Variants in LVRN observed in about 807,000 individuals in gnomAD.
LVRN encodes aminopeptidase Q.
In LVRN, 99 loss-of-function variants were observed where a neutral mutation model predicts 111.4. That is an observed-to-expected ratio of 0.89 (90% CI 0.76 to 1.05). LVRN has a LOEUF of 1.05. Among genes scored for constraint, LVRN ranks in the 50% least tolerant of loss-of-function variants. LVRN has a pLI of 0.00. For missense variants in LVRN, 1,414 were observed against 1,206.8 expected (o/e 1.17, Z -2.54); for synonymous variants, 488 against 449.5 (o/e 1.09, Z -1.08).
intron 18 of LVRN, among the ~76,000 whole-genome samples, chr5:116,018,128 A>G (rs1367774128): frequency 6.6e-6 from 1 of 152,160 alleles, no homozygotes; most frequent in Non-Finnish European, 1.5e-5. Context: ...TAACGTGTTT[A>G]TATATGCAAT....
Position 115,983,308 on chromosome 5 carries a change from G to T in LVRN, c.717G>T (p.Leu239=). Residue 239 remains leucine, a synonymous_variant, in exon 2 of 20, where the codon CTG becomes CTT. Transcript: ENST00000357872. ...TCAGGGCCCTGTTAGCGTCCCAGCT[G>T]GAACCAACATTTGCCAGGTATGTTT... The part of the protein sequence containing the change: ...GERRALLASQ[L]EPTFARYVFP... 1.9e-6 allele frequency: 3 copies of T among 1,603,162 alleles called. No individual in the cohort carries two copies. Among genetic ancestry groups the T allele is most frequent in the Non-Finnish European group, 2.5e-6 (3 of 1,176,754 alleles).
At chr5:115,998,994 C>A (rs955939516) in intron 6 of LVRN, among the ~76,000 whole-genome samples, 1 of 152,098 alleles carries the variant, frequency 6.6e-6, no homozygotes. Context: ...TTGCAGATCC[C>A]AAAGATAGTC....
At position 115,963,031 on chromosome 5, in the gene LVRN, G is replaced by C. The variant is rs186404728; in HGVS notation, c.414G>C (p.Thr138=). ...GCGTGAACATCACGGTGCGCTGCACGGTGGCCACCTCTCGACTGCTGCTGC... is the reference window on the plus strand; with the variant it reads ...GCGTGAACATCACGGTGCGCTGCACCGTGGCCACCTCTCGACTGCTGCTGC... The part of the protein sequence containing the change: ...TGRVNITVRC[T]VATSRLLLHS... The change falls in exon 1 of 20, where the codon ACG becomes ACC. Residue 138 remains threonine, a synonymous_variant. Coordinates refer to ENST00000357872, the MANE Select transcript of LVRN (RefSeq NM_173800.5). The C allele has an allele frequency of 1.9e-6, 3 of 1,613,596 alleles. No homozygotes were observed. The highest frequency in any genetic ancestry group is 1.7e-6 in the Non-Finnish European group (2 of 1,179,900).
chr5:116,002,762 T>C (rs1036041952), intron 10 of LVRN, 73 bp from the exon 11 acceptor site: 1 of 1,101,518 alleles, frequency 9.1e-7, no homozygotes, highest in African/African-American at 1.6e-5. Context: ...TTTCATCATC[T>C]CTTTAATAGT....
chr5:115,993,659 A>G, intron 5 of LVRN, 82 bp from the exon 6 acceptor site: 1 of 889,372 alleles, frequency 1.1e-6, no homozygotes, highest in Non-Finnish European at 1.8e-6. Context: ...TTGACCTTAC[A>G]TTTACTTAAC....
In LVRN at chr5:115,962,729, G is replaced by C. The variant is rs756667019; in HGVS notation, c.112G>C (p.Gly38Arg). 1.2e-6 allele frequency: 2 copies of C among 1,612,050 alleles called. No individual in the cohort carries two copies. Among genetic ancestry groups the C allele is most frequent in the Middle Eastern group, 1.7e-4 (1 of 5,884 alleles). Reference protein sequence around the residue: ...LALAVLAALYGHCERVPPSEL... With the variant: ...LALAVLAALYRHCERVPPSEL... ...GCTGGCCGTACTCGCCGCCTTGTAC[G>C]GCCACTGCGAGCGCGTCCCACCGTC... The change falls in exon 1 of 20, where the codon GGC becomes CGC. Residue 38 changes from glycine to arginine, a missense_variant. Transcript: ENST00000357872.
chr5:115,963,349 C>G, intron 1 of LVRN, 37 bp downstream of exon 1: 1 of 1,493,774 alleles, frequency 6.7e-7, no homozygotes, highest in Middle Eastern at 2.3e-4. Flanking sequence ...TCTCGGCCCC[C>G]GCCCCTGCGT....
intron 6 of LVRN, among the ~76,000 whole-genome samples, chr5:115,995,873 C>T (rs568721990): frequency 3.9e-5 from 6 of 152,194 alleles, no homozygotes; most frequent in East Asian, 3.8e-4. Context: ...AGGCCAACTG[C>T]GAAGCCCATG....
rs778568409 is a variant in LVRN at position 115,963,281 on chromosome 5, CTCAACG to C, written c.667_672del (p.Asn223_Val224del). The C allele has an allele frequency of 6.2e-7, 1 of 1,612,050 alleles. No homozygotes were observed. Among genetic ancestry groups the C allele is most frequent in the Non-Finnish European group, 8.5e-7 (1 of 1,179,706 alleles). On this transcript the variant is annotated inframe_deletion, in exon 1 of 20. Coordinates refer to ENST00000357872, the MANE Select transcript of LVRN (RefSeq NM_173800.5). ...GGAAGACCTCAGGGAGGGACTCTTCCTCAACGTCTACACCGACCAGGGCGAGCGCAG... is the reference window on the plus strand; with the variant it reads ...GGAAGACCTCAGGGAGGGACTCTTCCTCTACACCGACCAGGGCGAGCGCAG...
chr5:115,963,167 G>A lies in LVRN; in HGVS notation c.550G>A (p.Asp184Asn). The A allele has an allele frequency of 6.2e-7, 1 of 1,613,076 alleles. No homozygotes were observed. Among genetic ancestry groups the A allele is most frequent in the Non-Finnish European group, 8.5e-7 (1 of 1,179,826 alleles). The change falls in exon 1 of 20, where the codon GAC becomes AAC. Residue 184 changes from aspartate to asparagine, a missense_variant. Coordinates refer to ENST00000357872, the MANE Select transcript of LVRN (RefSeq NM_173800.5). The stretch of plus-strand genomic sequence containing the variant: ...CGTGGACGACGTGTGGTTCGCGCTG[G>A]ACACGGAATACATGGTGCTGGAGCT... ...VPVDDVWFAL[D>N]TEYMVLELSE...
intron 13 of LVRN, among the ~76,000 whole-genome samples, chr5:116,009,526 G>T (rs1748444165): frequency 6.6e-6 from 1 of 152,090 alleles, no homozygotes; most frequent in Non-Finnish European, 1.5e-5. Context: ...CTTCTGGTAG[G>T]GATTCATCAT....
intron 6 of LVRN, among the ~76,000 whole-genome samples, chr5:115,998,685 A>C (rs1038433370): frequency 2.6e-5 from 4 of 152,224 alleles, no homozygotes; most frequent in Admixed American, 6.5e-5. Context: ...TTAAACTAGC[A>C]GCATCAGCAT....
intron 1 of LVRN, among the ~76,000 whole-genome samples, chr5:115,980,813 A>G (rs138313417): frequency 1.8e-4 from 27 of 152,250 alleles, no homozygotes; most frequent in African/African-American, 5.3e-4. Flanking sequence ...AAAATATCCT[A>G]TAATTTCAGA....
intron 18 of LVRN, among the ~76,000 whole-genome samples, chr5:116,016,892 G>A (rs569304112): frequency 2.5e-4 from 38 of 152,186 alleles, no homozygotes; most frequent in African/African-American, 9.2e-4. Flanking sequence ...TAACATTTAG[G>A]CCTTGTTTTC....
chr5:115,979,197 G>A lies in LVRN; in HGVS notation c.696-4090G>A, dbSNP rs565157276. On this transcript the variant is annotated intron_variant, in intron 1 of 19. Transcript: ENST00000357872. ...GCCTGGGACTGGCATGAGTCCCAAG[G>A]CAGCAGCACTCCAAAGAAGTCAGCC... is the stretch of plus-strand genomic sequence containing the variant. 1.2e-4 allele frequency among the ~76,000 whole-genome samples: 19 copies of A among 152,238 alleles called. No homozygotes were observed. In the East Asian group the frequency reaches 3.5e-3, roughly 28 times the overall value.
At chr5:115,986,468 C>G (rs1039410369) in intron 3 of LVRN, among the ~76,000 whole-genome samples, 1 of 152,138 alleles carries the variant, frequency 6.6e-6, no homozygotes, top group Non-Finnish European at 1.5e-5. Context: ...AGGATGCCAG[C>G]TGCCATAGAA....
At chr5:115,984,745 T>C (rs755836539) in intron 3 of LVRN, 36 bp downstream of exon 3, 18 of 1,610,526 alleles carry the variant, frequency 1.1e-5, no homozygotes, top group Non-Finnish European at 1.5e-5. Context: ...AGGGAGATTG[T>C]ACTGGCTGCA....
rs778248254 is a variant in LVRN, at chr5:116,002,829, A to G, written c.1821-6A>G. The G allele has an allele frequency of 3.8e-5, 60 of 1,591,222 alleles. No homozygotes were observed. Among genetic ancestry groups the G allele is most frequent in the Non-Finnish European group, 4.8e-5 (56 of 1,162,578 alleles). On this transcript the variant is annotated splice_polypyrimidine_tract_variant and splice_region_variant and intron_variant, in intron 10 of 19. Transcript: ENST00000357872. ...GTAACTAATTTTTTTATTTTCTTCCAATAAGTGACACATGGATTGTCCCTA... is the reference window on the plus strand; with the variant it reads ...GTAACTAATTTTTTTATTTTCTTCCGATAAGTGACACATGGATTGTCCCTA...
chr5:116,003,132 A>T (rs911731769), intron 11 of LVRN, 109 bp from the exon 12 acceptor site: 4 of 1,098,316 alleles, frequency 3.6e-6, no homozygotes, highest in Non-Finnish European at 5.2e-6. Context: ...GAATTCCTTT[A>T]ATTTTTTGTT....
Sources: gnomAD v4.1 joint callset for allele counts (sites outside exome capture counted in the v4.1 genomes callset) on GRCh38, gnomAD v4.1.1 for gene constraint, MANE v1.5 for transcripts, NCBI Gene and HGNC (gene_info 2026-07-23, HGNC 2026-07-21) for gene names.